PLEKHA5: variants seen among roughly 807,000 people sequenced by gnomAD.
PLEKHA5 encodes pleckstrin homology domain-containing family A member 5.
In PLEKHA5, 55 loss-of-function variants were observed where a neutral mutation model predicts 181.9. That is an observed-to-expected ratio of 0.30 (90% CI 0.24 to 0.38). The LOEUF is 0.38. Among genes scored for constraint, PLEKHA5 ranks in the 10% least tolerant of loss-of-function variants. The pLI is 1.00. For missense variants in PLEKHA5, 1,432 were observed against 1,549.5 expected, an observed-to-expected ratio of 0.92 and a Z score of 1.27; for synonymous variants, 535 against 529.4, an observed-to-expected ratio of 1.01 and a Z score of -0.15.
chr12:19,270,111 A>T (rs2072142678), intron 9 of PLEKHA5, 77 bp from the exon 10 acceptor site: 2 of 853,314 alleles, frequency 2.3e-6, no homozygotes, highest in Admixed American at 3.3e-5. Flanking sequence ...TTTCTTCTTT[A>T]TTCATTTTCA....
chr12:19,182,146 C>T (rs1345441414), intron 3 of PLEKHA5, among the ~76,000 whole-genome samples: 2 of 152,094 alleles, frequency 1.3e-5, no homozygotes, highest in Non-Finnish European at 1.5e-5. Context: ...CCAATTAAAG[C>T]CCAGAAAATT....
intron 30 of PLEKHA5, among the ~76,000 whole-genome samples, chr12:19,369,205 T>C (rs1303122024): frequency 6.6e-6 from 1 of 151,840 alleles, no homozygotes; most frequent in Non-Finnish European, 1.5e-5. Flanking sequence ...TGACTAATTT[T>C]TGTATTTTTA....
At chr12:19,191,960 G>A (rs1035224968) in intron 3 of PLEKHA5, among the ~76,000 whole-genome samples, 1 of 152,044 alleles carries the variant, frequency 6.6e-6, no homozygotes, top group Admixed American at 6.6e-5. Flanking sequence ...TTTTATTGGT[G>A]AAAAAGGCCA....
chr12:19,273,357 CT>C (rs917753528), intron 10 of PLEKHA5, among the ~76,000 whole-genome samples: 11 of 148,430 alleles, frequency 7.4e-5, no homozygotes, highest in South Asian at 2.1e-4. Context: ...AAATAGTCAC[CT>C]TTTTTTTTTA....
Position 19,129,810 on chromosome 12 carries a change from A to C in PLEKHA5, c.11A>C (p.Asp4Ala). MAA[D>A]LNLEWISLPR... is the part of the protein sequence containing the mutation. ...GGCTAGGGATCAGACATGGCGGCGGATCTGAACCTGGAGTGGATCTCCCTG... is the reference window on the plus strand; with the variant it reads ...GGCTAGGGATCAGACATGGCGGCGGCTCTGAACCTGGAGTGGATCTCCCTG... The change falls in exon 1 of 32, where the codon GAT (aspartate) becomes GCT (alanine). Residue 4 changes from aspartate (D) to alanine (A), a missense_variant. This residue lies in a region of PLEKHA5 where 289 missense variants were observed against 381.1 expected (regional missense o/e 0.76). Coordinates refer to ENST00000429027, the MANE Select transcript of PLEKHA5 (RefSeq NM_001256470.2). The C allele has an allele frequency of 6.3e-7, 1 of 1,599,912 alleles. No homozygotes were observed. The highest frequency in any genetic ancestry group is 8.5e-7 in the Non-Finnish European group (1 of 1,174,014).
intron 15 of PLEKHA5, among the ~76,000 whole-genome samples, chr12:19,301,742 A>G (rs546986464): frequency 1.3e-5 from 2 of 152,322 alleles, no homozygotes; most frequent in South Asian, 2.1e-4. Flanking sequence ...ACGTATGATA[A>G]TTTATTCAAA....
intron 3 of PLEKHA5, among the ~76,000 whole-genome samples, chr12:19,160,275 C>G (rs1357963348): frequency 1.3e-5 from 2 of 151,802 alleles, no homozygotes; most frequent in African/African-American, 2.4e-5. Flanking sequence ...CATCCCATTC[C>G]TATCATTTTC....
At chr12:19,241,919 G>A (rs1340368105) in intron 3 of PLEKHA5, among the ~76,000 whole-genome samples, 1 of 152,010 alleles carries the variant, frequency 6.6e-6, no homozygotes, top group Non-Finnish European at 1.5e-5. Context: ...AATTACTTTG[G>A]CAAATTAGTG....
At chr12:19,299,662 C>T (rs1177995544) in intron 15 of PLEKHA5, among the ~76,000 whole-genome samples, 2 of 152,092 alleles carry the variant, frequency 1.3e-5, no homozygotes, top group Non-Finnish European at 2.9e-5. Flanking sequence ...TAATGTGAAC[C>T]TTTAAGGGTT....
chr12:19,274,990 G>A lies in PLEKHA5; in HGVS notation c.1313+7G>A. The A allele has an allele frequency of 1.3e-6, 2 of 1,577,750 alleles. No homozygotes were observed. The highest frequency in any genetic ancestry group is 1.7e-6 in the Non-Finnish European group (2 of 1,157,080). On this transcript the variant is annotated splice_region_variant and intron_variant, in intron 11 of 31. Coordinates refer to ENST00000429027, the MANE Select transcript of PLEKHA5 (RefSeq NM_001256470.2). ...ATGAAGAAGAAACCAGGGGGTAAGT[G>A]TCTGTCTTGTCATTATGAACCCAGG...
intron 30 of PLEKHA5, among the ~76,000 whole-genome samples, chr12:19,368,280 C>T (rs762378731): frequency 2.6e-4 from 39 of 151,654 alleles, no homozygotes; most frequent in Non-Finnish European, 4.4e-4. Context: ...TGCTTGAGCT[C>T]AGGAGTTCAA....
chr12:19,344,638 A>C (rs1363028747), intron 22 of PLEKHA5, among the ~76,000 whole-genome samples: 1 of 152,236 alleles, frequency 6.6e-6, no homozygotes, highest in Admixed American at 6.5e-5. Context: ...CCATTTGGAT[A>C]ACTGCGGCCA....
intron 25 of PLEKHA5, among the ~76,000 whole-genome samples, chr12:19,351,191 C>G (rs934080478): frequency 6.6e-6 from 1 of 152,094 alleles, no homozygotes; most frequent in Non-Finnish European, 1.5e-5. Context: ...CTGCCTCAGC[C>G]TCCCAGAGTG....
intron 3 of PLEKHA5, among the ~76,000 whole-genome samples, chr12:19,135,545 C>T (rs915216269): frequency 6.6e-5 from 10 of 152,120 alleles, no homozygotes; most frequent in African/African-American, 2.4e-4. Context: ...TTTATCCTCC[C>T]TCTTTAAGCT....
At chr12:19,282,523 A>G (rs1399903881) in intron 11 of PLEKHA5, among the ~76,000 whole-genome samples, 1 of 152,224 alleles carries the variant, frequency 6.6e-6, no homozygotes, top group Non-Finnish European at 1.5e-5. Context: ...GAAAACATAC[A>G]ACAGAATAGT....
At chr12:19,314,771 T>C in intron 15 of PLEKHA5, 43 bp from the exon 16 acceptor site, 4 of 1,021,438 alleles carry the variant, frequency 3.9e-6, no homozygotes, top group Non-Finnish European at 6.0e-6. Flanking sequence ...CTAGCTATGC[T>C]GTAAACTGAT....
intron 3 of PLEKHA5, among the ~76,000 whole-genome samples, chr12:19,248,496 ATG>A (rs959812491): frequency 4.6e-5 from 7 of 152,028 alleles, no homozygotes; most frequent in African/African-American, 1.7e-4. Context: ...ATATTTTTTA[ATG>A]TACCTTTTCT....
intron 8 of PLEKHA5, among the ~76,000 whole-genome samples, chr12:19,269,398 A>G (rs1182427917): frequency 3.3e-5 from 5 of 151,420 alleles, no homozygotes; most frequent in South Asian, 2.1e-4. Context: ...AAAAAAAGAA[A>G]AAAAAAAAAA....
intron 3 of PLEKHA5, among the ~76,000 whole-genome samples, chr12:19,246,950 TAACA>T (rs67315115): frequency 0.082 from 12,535 of 152,134 alleles, 701 homozygotes; most frequent in Admixed American, 0.18. Flanking sequence ...AACACCATAT[TAACA>T]AACAAGTTTT....
Sources: allele counts gnomAD v4.1 joint callset (sites outside exome capture counted in the v4.1 genomes callset), GRCh38; gene constraint gnomAD v4.1.1; regional missense constraint gnomAD v4.1.1; transcripts MANE v1.5; gene names NCBI Gene and HGNC (gene_info 2026-07-23, HGNC 2026-07-21).